The following KHDRBS2 variants were observed in gnomAD, a reference collection of about 807,000 sequenced individuals.
KHDRBS2 encodes the protein KH RNA binding domain containing, signal transduction associated 2, also known as KH domain-containing, RNA-binding, signal transduction-associated protein 2.
In KHDRBS2, 26 loss-of-function variants were observed where a neutral mutation model predicts 44.3. The observed-to-expected ratio is 0.59, with a 90% confidence interval of 0.43 to 0.81. KHDRBS2 has a LOEUF of 0.81. KHDRBS2 is among the 40% of genes least tolerant of loss of function. The pLI is 0.00. For synonymous variants in KHDRBS2, 194 were observed against 151.1 expected, an observed-to-expected ratio of 1.28 and a Z score of -2.08; for missense variants, 476 against 433.1, an observed-to-expected ratio of 1.10 and a Z score of -0.88.
At chr6:61,613,986 A>AGTT in the KHDRBS2 span, among the ~76,000 whole-genome samples, 1 of 152,242 alleles carries the variant, frequency 6.6e-6, no homozygotes. Context: ...GACAATTTAT[A>AGTT]GTTCAATTTA....
chr6:61,906,497 C>T (rs958767993), intron 4 of KHDRBS2, among the ~76,000 whole-genome samples: 16 of 152,014 alleles, frequency 1.1e-4, no homozygotes, highest in Non-Finnish European at 7.4e-5. Context: ...CTTACTCATT[C>T]TATCTAACTA....
At chr6:61,755,251 A>T (rs764154058) in intron 6 of KHDRBS2, among the ~76,000 whole-genome samples, 1 of 152,118 alleles carries the variant, frequency 6.6e-6, no homozygotes, top group Non-Finnish European at 1.5e-5. Context: ...TCTGGGCCCC[A>T]TCCCAACATT....
chr6:61,697,349 A>G (rs567302299), intron 7 of KHDRBS2, 96 bp from the exon 8 acceptor site: 2 of 777,978 alleles, frequency 2.6e-6, no homozygotes, highest in Non-Finnish European at 4.6e-6. Context: ...GTGCTGAGGT[A>G]ATATTCCAGG....
chr6:62,166,044 A>T (rs1385874784), intron 2 of KHDRBS2, among the ~76,000 whole-genome samples: 1 of 151,960 alleles, frequency 6.6e-6, no homozygotes, highest in Admixed American at 6.6e-5. Context: ...AACTTCATGA[A>T]AGTAGAATCA....
intron 6 of KHDRBS2, among the ~76,000 whole-genome samples, chr6:61,826,654 T>C (rs1035852824): frequency 1.3e-5 from 2 of 152,108 alleles, no homozygotes; most frequent in Non-Finnish European, 2.9e-5. Context: ...CGTTAATTAG[T>C]TATAAATTTG....
At chr6:61,968,900 C>A (rs979616165) in intron 4 of KHDRBS2, among the ~76,000 whole-genome samples, 3 of 151,888 alleles carry the variant, frequency 2.0e-5, no homozygotes, top group African/African-American at 7.3e-5. Flanking sequence ...CTCTTTGGAG[C>A]TCTGTGGCTT....
At chr6:61,776,437 A>G (rs1782016176) in intron 6 of KHDRBS2, among the ~76,000 whole-genome samples, 1 of 152,182 alleles carries the variant, frequency 6.6e-6, no homozygotes, top group South Asian at 2.1e-4. Flanking sequence ...ACTCAAACAA[A>G]TTTACAAGAA....
At chr6:61,561,518 G>T in the KHDRBS2 span, among the ~76,000 whole-genome samples, 2 of 152,084 alleles carry the variant, frequency 1.3e-5, no homozygotes, top group Non-Finnish European at 2.9e-5. Flanking sequence ...GTACCTACTT[G>T]GTGTTCTATT....
the KHDRBS2 span, among the ~76,000 whole-genome samples, chr6:61,614,514 A>G: frequency 6.6e-6 from 1 of 152,178 alleles, no homozygotes; most frequent in Non-Finnish European, 1.5e-5. Context: ...TCTGTATAAC[A>G]GTAGTTTCAT....
chr6:62,182,054 A>G (rs1186331224), intron 1 of KHDRBS2, among the ~76,000 whole-genome samples: 2 of 152,032 alleles, frequency 1.3e-5, no homozygotes, highest in African/African-American at 2.4e-5. Flanking sequence ...AGCATCATCT[A>G]TGAAGCAGGA....
intron 3 of KHDRBS2, among the ~76,000 whole-genome samples, chr6:61,993,842 G>A (rs770724185): frequency 6.6e-6 from 1 of 151,684 alleles, no homozygotes; most frequent in Non-Finnish European, 1.5e-5. Context: ...ATAGGTTAAT[G>A]TTATCTGCAT....
chr6:61,680,884 T>A lies in KHDRBS2; in HGVS notation c.*79A>T. ...AACAAACAAACAAAAAAAGGACTATTACTTGTCTTGTTGCTGTTTATGTGG... is the reference window on the plus strand; with the variant it reads ...AACAAACAAACAAAAAAAGGACTATAACTTGTCTTGTTGCTGTTTATGTGG... On this transcript the variant is annotated 3_prime_UTR_variant, in exon 9 of 9. Transcript: ENST00000281156. 1.2e-6 allele frequency: 1 copy of A among 832,204 alleles called. No individual in the cohort carries two copies. The highest frequency in any genetic ancestry group is 1.5e-5 in the South Asian group (1 of 64,912). 51.6% of individuals were successfully genotyped at this position (832,204 alleles called of 1,614,324 possible). A position where few individuals can be genotyped will look rare whatever the true frequency, so the allele number is the denominator to read the frequency against.
Position 61,848,582 on chromosome 6 carries a change from T to C in KHDRBS2, c.810+46053A>G, listed in dbSNP as rs1415213207. Among the ~76,000 whole-genome samples the C allele has an allele frequency of 6.3e-5, 7 of 111,362 alleles. No individual in the cohort carries two copies. The East Asian group carries it at 1.4e-3, about 23-fold the overall frequency. 73.1% of individuals were successfully genotyped at this position (111,362 alleles called of 152,430 possible). ...ATATATGTATATATATATACATATA[T>C]ATATATATATACTTTTTTTTAACTC... On this transcript the variant is annotated intron_variant, in intron 6 of 8. Coordinates refer to ENST00000281156, the MANE Select transcript of KHDRBS2 (RefSeq NM_152688.4).
At position 61,919,047 on chromosome 6, in the gene KHDRBS2, T is replaced by C. The variant is rs181468334; in HGVS notation, c.484-17676A>G. 2.8e-3 allele frequency among the ~76,000 whole-genome samples: 419 copies of C among 152,054 alleles called. 2 individuals are homozygous for C. Among genetic ancestry groups the C allele is most frequent in the Non-Finnish European group, 3.4e-3 (231 of 67,908 alleles). On this transcript the variant is annotated intron_variant, in intron 4 of 8. Coordinates refer to ENST00000281156, the MANE Select transcript of KHDRBS2 (RefSeq NM_152688.4). ...AAAACTTGACCCCACTTCTGGAGAT[T>C]TGAAGACAATTCAACTATATGGCGA...
chr6:61,644,136 C>A, the KHDRBS2 span, among the ~76,000 whole-genome samples: 1 of 151,916 alleles, frequency 6.6e-6, no homozygotes, highest in African/African-American at 2.4e-5. Context: ...AATAGAGAGA[C>A]CAGAAATAAG....
chr6:62,136,515 T>C (rs1811559330), intron 2 of KHDRBS2, among the ~76,000 whole-genome samples: 1 of 152,262 alleles, frequency 6.6e-6, no homozygotes, highest in Non-Finnish European at 1.5e-5. Context: ...TTCTAGATTA[T>C]CTTAATTTTG....
chr6:62,203,282 T>C (rs1827346670), intron 1 of KHDRBS2, among the ~76,000 whole-genome samples: 1 of 152,016 alleles, frequency 6.6e-6, no homozygotes, highest in Non-Finnish European at 1.5e-5. Flanking sequence ...GAAATACATG[T>C]TGGGGCGGTG....
At chr6:62,018,299 ATGTG>A (rs57360690) in intron 3 of KHDRBS2, among the ~76,000 whole-genome samples, 11,882 of 145,916 alleles carry the variant, frequency 0.081, 495 homozygotes, top group African/African-American at 0.11. Context: ...ATATATATAT[ATGTG>A]TGTGTGTGTG....
At chr6:62,013,796 T>C (rs976255346) in intron 3 of KHDRBS2, among the ~76,000 whole-genome samples, 2 of 152,166 alleles carry the variant, frequency 1.3e-5, no homozygotes, top group East Asian at 3.8e-4. Flanking sequence ...TCACCATTAA[T>C]GTTAATACCT....
Sources: gnomAD v4.1 joint callset for allele counts (sites outside exome capture counted in the v4.1 genomes callset) on GRCh38, gnomAD v4.1.1 for gene constraint, MANE v1.5 for transcripts, NCBI Gene and HGNC (gene_info 2026-07-23, HGNC 2026-07-21) for gene names.